The following ATL2 variants were observed in gnomAD, a reference collection of about 807,000 sequenced individuals.
The protein encoded by ATL2 is atlastin GTPase 2.
Under a neutral mutation model 73.9 loss-of-function variants are expected in ATL2, and 31 were observed. The observed-to-expected ratio is 0.42, with a 90% confidence interval of 0.32 to 0.57. The LOEUF (loss-of-function observed/expected upper bound fraction) is 0.57. ATL2 is among the 20% of genes least tolerant of loss of function. The probability of loss-of-function intolerance (pLI) is 0.14; values close to 1 mark genes in which losing one functional copy is unlikely to be tolerated. For synonymous variants in ATL2, 291 were observed against 237.5 expected (o/e 1.23, Z -2.07); for missense variants, 738 against 702.6 (o/e 1.05, Z -0.57).
intron 1 of ATL2, among the ~76,000 whole-genome samples, chr2:38,350,266 G>A (rs542534207): frequency 4.6e-5 from 7 of 152,208 alleles, no homozygotes; most frequent in African/African-American, 1.4e-4. Flanking sequence ...TTTTCCCTAC[G>A]CTAGCCCCCA....
intron 2 of ATL2, among the ~76,000 whole-genome samples, chr2:38,324,878 G>T (rs1490193572): frequency 6.6e-6 from 1 of 152,206 alleles, no homozygotes; most frequent in East Asian, 1.9e-4. Flanking sequence ...CCAGGGGATT[G>T]GGGAGAGAAA....
chr2:38,365,855 G>C (rs1369707157), intron 1 of ATL2, among the ~76,000 whole-genome samples: 4 of 152,032 alleles, frequency 2.6e-5, no homozygotes, highest in African/African-American at 9.7e-5. Context: ...GCTGAGGCAG[G>C]AGAATGGTTT....
chr2:38,314,962 T>A (rs112217738), intron 5 of ATL2, among the ~76,000 whole-genome samples: 99 of 152,242 alleles, frequency 6.5e-4, no homozygotes, highest in African/African-American at 2.3e-3. Context: ...AAGAAATATG[T>A]GCTCGCAGAC....
At chr2:38,329,423 C>CAAAAAAAAAA (rs70954711) in intron 2 of ATL2, among the ~76,000 whole-genome samples, 17 of 13,672 alleles carry the variant, frequency 1.2e-3, no homozygotes, top group African/African-American at 2.6e-3. Flanking sequence ...ACTCCATCTC[C>CAAAAAAAAAA]AAAAAAAAAA....
At chr2:38,364,894 A>G (rs2124478613) in intron 1 of ATL2, among the ~76,000 whole-genome samples, 1 of 152,190 alleles carries the variant, frequency 6.6e-6, no homozygotes, top group Admixed American at 6.5e-5. Context: ...AATACAAAAA[A>G]TTAGCCATGC....
intron 9 of ATL2, among the ~76,000 whole-genome samples, chr2:38,302,129 CAGG>C (rs1667221978): frequency 6.6e-6 from 1 of 152,158 alleles, no homozygotes; most frequent in Non-Finnish European, 1.5e-5. Context: ...CAAGTCCTGG[CAGG>C]GTTCATCACG....
chr2:38,301,810 T>C (rs1428466573), intron 9 of ATL2, among the ~76,000 whole-genome samples: 1 of 152,176 alleles, frequency 6.6e-6, no homozygotes, highest in Non-Finnish European at 1.5e-5. Flanking sequence ...TCAGAGCCAG[T>C]GGACCTGGGG....
intron 2 of ATL2, among the ~76,000 whole-genome samples, chr2:38,339,370 G>C (rs1445134221): frequency 6.6e-6 from 1 of 152,138 alleles, no homozygotes; most frequent in South Asian, 2.1e-4. Flanking sequence ...GCAGAAGCCG[G>C]AACGAAGTCA....
At chr2:38,309,616 C>T (rs1320473559) in intron 8 of ATL2, 110 bp from the exon 9 acceptor site, 2 of 1,076,464 alleles carry the variant, frequency 1.9e-6, no homozygotes, top group African/African-American at 1.6e-5. Flanking sequence ...GTATCTATTA[C>T]TGAAGTGGAT....
intron 2 of ATL2, among the ~76,000 whole-genome samples, chr2:38,341,971 A>G (rs1669745839): frequency 6.6e-6 from 1 of 152,222 alleles, no homozygotes; most frequent in Non-Finnish European, 1.5e-5. Flanking sequence ...TGGCTTCTGA[A>G]TGTCAAAAGT....
Position 38,330,591 on chromosome 2 carries a change from T to G in ATL2, c.364-11572A>C, listed in dbSNP as rs563426716. The stretch of plus-strand genomic sequence containing the variant: ...ATACAAGATCAATATGCAAGTCAAG[T>G]ATATGAACTATACACTTGCATGAAC... On this transcript the variant is annotated intron_variant, in intron 2 of 12. Transcript: ENST00000378954. Among the ~76,000 whole-genome samples the G allele has an allele frequency of 2.9e-3, 442 of 152,314 alleles. 8 individuals are homozygous for G. The South Asian group carries it at 0.036, about 12-fold the overall frequency.
At chr2:38,325,649 C>CACCAGT (rs1221451889) in intron 2 of ATL2, among the ~76,000 whole-genome samples, 7 of 81,468 alleles carry the variant, frequency 8.6e-5, no homozygotes, top group Non-Finnish European at 1.5e-4. Context: ...CACACACACA[C>CACCAGT]ACACACACCA....
At position 38,356,216 on chromosome 2, in the gene ATL2, CTTT is replaced by C. The variant is rs1179908064; in HGVS notation, c.119-12707_119-12705del. Among the ~76,000 whole-genome samples the C allele has an allele frequency of 1.8e-4, 27 of 151,778 alleles. 1 individual carries two copies. The highest frequency in any genetic ancestry group is 3.4e-3 in the Middle Eastern group (1 of 294). On this transcript the variant is annotated intron_variant, in intron 1 of 12. Transcript: ENST00000378954. ...AACCTACTCAGTATTTTTTACTTTT[CTTT>C]CTTTTTTCTTTTTTTTGAGACAGGG...
intron 1 of ATL2, chr2:38,376,693 C>G (rs1284144720): frequency 6.6e-6 from 1 of 152,308 alleles, no homozygotes; most frequent in African/African-American, 2.4e-5. Flanking sequence ...CCCTTCCTCC[C>G]TGTCCGCGTA....
intron 11 of ATL2, 37 bp downstream of exon 11, chr2:38,299,219 C>A: frequency 6.9e-7 from 1 of 1,459,616 alleles, no homozygotes; most frequent in Non-Finnish European, 9.0e-7. Flanking sequence ...TAAAAATCTT[C>A]TCACTCCAGC....
rs1553342584 is a variant in ATL2 at position 38,367,594 on chromosome 2, C to CAAT, written c.118+9548_118+9549insATT. Among the ~76,000 whole-genome samples the CAAT allele has an allele frequency of 2.5e-4, 13 of 52,518 alleles. No individual in the cohort carries two copies. In the South Asian group the frequency reaches 4.1e-3, roughly 16 times the overall value. 34.5% of individuals were successfully genotyped at this position (52,518 alleles called of 152,430 possible). A position where few individuals can be genotyped will look rare whatever the true frequency, so the allele number is the denominator to read the frequency against. On this transcript the variant is annotated intron_variant, in intron 1 of 12. Transcript: ENST00000378954. ...CGGGGAACAGAGCAAGAATCCATCT[C>CAAT]AAAAAAAAAAAAAAAAAAAAAACCG... is the stretch of plus-strand genomic sequence containing the variant.
chr2:38,375,899 G>A (rs1671932266), intron 1 of ATL2, among the ~76,000 whole-genome samples: 1 of 152,146 alleles, frequency 6.6e-6, no homozygotes, highest in African/African-American at 2.4e-5. Context: ...CAAAACTCCA[G>A]TCTGTCATCA....
chr2:38,356,071 T>G (rs184409548), intron 1 of ATL2, among the ~76,000 whole-genome samples: 1 of 152,092 alleles, frequency 6.6e-6, no homozygotes, highest in East Asian at 1.9e-4. Flanking sequence ...GAATATAGAA[T>G]AGACAACCCT....
intron 3 of ATL2, 49 bp from the exon 4 acceptor site, chr2:38,318,688 G>T: frequency 2.7e-6 from 4 of 1,456,170 alleles, no homozygotes; most frequent in South Asian, 1.3e-5. Context: ...TGCCAAAAAT[G>T]ACTATAAAAA....
Sources: allele counts gnomAD v4.1 joint callset (sites outside exome capture counted in the v4.1 genomes callset), GRCh38; gene constraint gnomAD v4.1.1; transcripts MANE v1.5; gene names NCBI Gene and HGNC (gene_info 2026-07-23, HGNC 2026-07-21).